Variants in TXNL4A observed in about 807,000 individuals in gnomAD.
The protein encoded by TXNL4A is thioredoxin like 4A.
In TXNL4A, 17 loss-of-function variants were observed where a neutral mutation model predicts 14.6. The ratio of observed to expected loss-of-function variants is 1.16; its 90% CI spans 0.80 to 1.74. The LOEUF (loss-of-function observed/expected upper bound fraction) is 1.74. Among genes scored for constraint, TXNL4A ranks in the 40% most tolerant of loss-of-function variants. The pLI, the probability that TXNL4A is intolerant of heterozygous loss-of-function variation, is 0.00. For missense variants in TXNL4A, 74 were observed against 195.2 expected (o/e 0.38, Z 3.70); for synonymous variants, 83 against 70.6 (o/e 1.18, Z -0.88).
At chr18:80,013,392 A>G (rs1474496999) in intron 1 of TXNL4A, among the ~76,000 whole-genome samples, 1 of 151,930 alleles carries the variant, frequency 6.6e-6, no homozygotes, top group African/African-American at 2.4e-5. Flanking sequence ...AAGTGCTGGG[A>G]TTACAGGCGT....
chr18:79,983,198 A>G (rs1023076913), intron 1 of TXNL4A, among the ~76,000 whole-genome samples: 3 of 152,096 alleles, frequency 2.0e-5, no homozygotes, highest in Admixed American at 6.6e-5. Context: ...ATGGGGTTTC[A>G]ACATGTTGGC....
chr18:80,013,192 G>A (rs2051783637), intron 1 of TXNL4A, among the ~76,000 whole-genome samples: 2 of 147,218 alleles, frequency 1.4e-5, no homozygotes, highest in Admixed American at 6.8e-5. Context: ...GCGCGATCTT[G>A]GCTCACTGCA....
In TXNL4A at chr18:79,971,187, G is replaced by A. The variant is rs1288209941; in HGVS notation, c.*2498C>T. On this transcript the variant is annotated 3_prime_UTR_variant, in exon 3 of 3. Coordinates refer to ENST00000269601, the MANE Select transcript of TXNL4A (RefSeq NM_006701.5). The stretch of plus-strand genomic sequence containing the variant: ...CTGAATAATATTCCGTTCTATGGAT[G>A]GACATTTTGTTTAACCGTTCATCTG... 6.6e-6 allele frequency: 1 copy of A among 152,246 alleles called. No individual in the cohort carries two copies. Among genetic ancestry groups the A allele is most frequent in the African/African-American group, 2.4e-5 (1 of 41,444 alleles). 9.4% of individuals were successfully genotyped at this position (152,246 alleles called of 1,614,324 possible).
intron 1 of TXNL4A, among the ~76,000 whole-genome samples, chr18:80,031,387 A>C: frequency 6.6e-6 from 1 of 152,208 alleles, no homozygotes; most frequent in Non-Finnish European, 1.5e-5. Flanking sequence ...TGTGGCACTA[A>C]CTTATGGCTG....
intron 1 of TXNL4A, among the ~76,000 whole-genome samples, chr18:80,022,313 T>C (rs1599755300): frequency 6.6e-6 from 1 of 152,172 alleles, no homozygotes; most frequent in East Asian, 1.9e-4. Flanking sequence ...CAAGGGTTTT[T>C]TTCTTGACTC....
intron 1 of TXNL4A, among the ~76,000 whole-genome samples, chr18:79,998,325 A>G (rs893203676): frequency 3.3e-5 from 5 of 152,244 alleles, no homozygotes; most frequent in Admixed American, 3.3e-4. Flanking sequence ...CTGGATACCA[A>G]ATTTCTTCCT....
rs1381483061 is a variant in TXNL4A at position 79,973,390 on chromosome 18, T to G, written c.*295A>C. On this transcript the variant is annotated 3_prime_UTR_variant, in exon 3 of 3. Coordinates refer to ENST00000269601, the MANE Select transcript of TXNL4A (RefSeq NM_006701.5). ...GCAGCCCCAGCAAACCAACCCAGTA[T>G]GCAAAACGCACAGGCTCACAGGATA... is the stretch of plus-strand genomic sequence containing the variant. The G allele has an allele frequency of 1.0e-5, 3 of 300,004 alleles. No individual in the cohort carries two copies. Among genetic ancestry groups the G allele is most frequent in the African/African-American group, 2.2e-5 (1 of 46,244 alleles). The allele number at this position is 300,004 out of a possible 1,614,324, so 18.6% of individuals were successfully genotyped here.
At chr18:79,976,525 A>G (rs1338972516) in intron 2 of TXNL4A, among the ~76,000 whole-genome samples, 1 of 152,156 alleles carries the variant, frequency 6.6e-6, no homozygotes, top group African/African-American at 2.4e-5. Flanking sequence ...AACACTCCAG[A>G]TAAGCACCCA....
At chr18:80,015,669 T>C (rs1044630247) in intron 1 of TXNL4A, among the ~76,000 whole-genome samples, 6 of 151,144 alleles carry the variant, frequency 4.0e-5, no homozygotes, top group Non-Finnish European at 8.9e-5. Context: ...ATTTCATCCA[T>C]GTCCCTACAA....
chr18:79,989,144 A>G (rs539612242), upstream of TXNL4A, among the ~76,000 whole-genome samples: 11 of 152,180 alleles, frequency 7.2e-5, no homozygotes, highest in East Asian at 2.1e-3. Context: ...TTTTATAAAG[A>G]AAAAAAATTT....
At chr18:80,013,254 C>G (rs529409407) in intron 1 of TXNL4A, among the ~76,000 whole-genome samples, 1 of 151,560 alleles carries the variant, frequency 6.6e-6, no homozygotes, top group South Asian at 2.1e-4. Flanking sequence ...TCCTGAGTAG[C>G]TGGGACTATA....
chr18:79,992,369 GAA>G (rs1223851425), upstream of TXNL4A, among the ~76,000 whole-genome samples: 1 of 152,202 alleles, frequency 6.6e-6, no homozygotes, highest in Non-Finnish European at 1.5e-5. Context: ...TCTTTAGAGA[GAA>G]ACATTTAATA....
At chr18:80,006,555 A>T (rs904842130) in intron 1 of TXNL4A, among the ~76,000 whole-genome samples, 2 of 152,204 alleles carry the variant, frequency 1.3e-5, no homozygotes, top group African/African-American at 4.8e-5. Flanking sequence ...AGAGATGTTT[A>T]GAAATTTTAT....
At chr18:79,987,327 T>C (rs1350071199) in intron 1 of TXNL4A, among the ~76,000 whole-genome samples, 1 of 152,220 alleles carries the variant, frequency 6.6e-6, no homozygotes, top group Non-Finnish European at 1.5e-5. Context: ...GAATATAAAA[T>C]ATGTCCTTAC....
At chr18:80,020,209 G>C (rs917723312) in intron 1 of TXNL4A, among the ~76,000 whole-genome samples, 1 of 151,916 alleles carries the variant, frequency 6.6e-6, no homozygotes, top group Admixed American at 6.6e-5. Context: ...AGGTTTTTTT[G>C]GCTGCATAGA....
chr18:80,025,501 C>A (rs988316524), intron 1 of TXNL4A, among the ~76,000 whole-genome samples: 1 of 152,336 alleles, frequency 6.6e-6, no homozygotes, highest in East Asian at 1.9e-4. Context: ...CCAATGGCAG[C>A]GTCTCATCTG....
chr18:79,975,121 AG>A (rs2051359670), intron 2 of TXNL4A, among the ~76,000 whole-genome samples: 1 of 152,114 alleles, frequency 6.6e-6, no homozygotes, highest in Admixed American at 6.5e-5. Context: ...CCCTCCCTGC[AG>A]CCCTATCTGA....
chr18:80,032,118 A>G (rs2051925286), intron 1 of TXNL4A, among the ~76,000 whole-genome samples: 3 of 152,158 alleles, frequency 2.0e-5, no homozygotes, highest in Admixed American at 1.3e-4. Flanking sequence ...CTAGGTCCCT[A>G]TACATTTTTC....
intron 1 of TXNL4A, among the ~76,000 whole-genome samples, chr18:80,022,138 G>A (rs1445598246): frequency 6.6e-6 from 1 of 152,142 alleles, no homozygotes; most frequent in Non-Finnish European, 1.5e-5. Flanking sequence ...ATTTGTTTAA[G>A]GTCCTGCAAT....
Sources: gnomAD v4.1 joint callset for allele counts (sites outside exome capture counted in the v4.1 genomes callset) on GRCh38, gnomAD v4.1.1 for gene constraint, MANE v1.5 for transcripts, NCBI Gene and HGNC (gene_info 2026-07-23, HGNC 2026-07-21) for gene names.